Variants in CCDC181 observed in about 807,000 individuals in gnomAD.
CCDC181 encodes coiled-coil domain-containing protein 181.
CCDC181 carries 35 observed loss-of-function variants against 58.7 expected under a neutral mutation model. That is an observed-to-expected ratio of 0.60 (90% CI 0.46 to 0.79). The LOEUF is 0.79. Ranked by LOEUF, CCDC181 falls within the 30% of genes least tolerant of loss-of-function variation. The pLI is 0.00. For missense variants in CCDC181, 517 were observed against 583.9 expected (o/e 0.89, Z 1.18); for synonymous variants, 183 against 197.5 (o/e 0.93, Z 0.62).
At chr1:169,425,851 T>TA (rs1656688343) in intron 1 of CCDC181, among the ~76,000 whole-genome samples, 1 of 152,162 alleles carries the variant, frequency 6.6e-6, no homozygotes, top group African/African-American at 2.4e-5. Context: ...TGCTTTCCCT[T>TA]ATTTTATGAT....
rs1266329001 is a variant in CCDC181, at chr1:169,397,383, G to A, written c.1224C>T (p.Asn408=). 2 of 1,597,748 alleles carry A rather than the reference G, an allele frequency of 1.3e-6. No homozygotes were observed. The highest frequency in any genetic ancestry group is 2.3e-5 in the East Asian group (1 of 44,194). ...ATCGAAAAGCTTGTTGTGGATCTCT[G>A]TTTTCCTGCTGATTAGAAAAACAAG... ...EIEDMNSRQE[N]RDPQQAFRLW... Residue 408 remains asparagine (N), a synonymous_variant, in exon 5 of 6, where the codon AAC becomes AAT. Coordinates refer to ENST00000367806, the MANE Select transcript of CCDC181 (RefSeq NM_001300969.2).
chr1:169,452,008 A>T (rs1031682736), intron 2 of CCDC181, among the ~76,000 whole-genome samples: 2 of 152,114 alleles, frequency 1.3e-5, no homozygotes, highest in Non-Finnish European at 2.9e-5. Context: ...TTCAGATAAT[A>T]AAGCACTAGA....
intron 1 of CCDC181, chr1:169,459,915 A>AAAAAAC (rs1657796976): frequency 6.7e-6 from 1 of 150,352 alleles, no homozygotes; most frequent in African/African-American, 2.4e-5. Flanking sequence ...GAAAAAAAAA[A>AAAAAAC]AAAAAAAAAA....
intron 2 of CCDC181, among the ~76,000 whole-genome samples, chr1:169,454,776 A>G (rs922122887): frequency 6.6e-6 from 1 of 152,028 alleles, no homozygotes. Flanking sequence ...TACCTATTCC[A>G]TCTCCCTGTC....
intron 2 of CCDC181, among the ~76,000 whole-genome samples, chr1:169,451,901 G>A (rs1657552993): frequency 6.6e-6 from 1 of 152,074 alleles, no homozygotes; most frequent in Non-Finnish European, 1.5e-5. Flanking sequence ...ACCAGCGTGG[G>A]TGACCAGAAC....
intron 2 of CCDC181, among the ~76,000 whole-genome samples, chr1:169,448,642 A>G (rs1483556778): frequency 6.6e-6 from 1 of 151,756 alleles, no homozygotes; most frequent in African/African-American, 2.4e-5. Flanking sequence ...CCTGGTGTAG[A>G]TTTTTCGTAA....
chr1:169,395,058 G>A lies in CCDC181; in HGVS notation c.1519C>T (p.His507Tyr), dbSNP rs1654934282. 1.9e-6 allele frequency: 3 copies of A among 1,592,162 alleles called. No individual in the cohort carries two copies. The highest frequency in any genetic ancestry group is 2.6e-6 in the Non-Finnish European group (3 of 1,172,720). The stretch of plus-strand genomic sequence containing the variant: ...TTTAATAGAAACTTTCAGTTATAAT[G>A]ATCAGTAAAACGAAAAGGTTTGGCT... ...SEAKPFRFTD[H>Y]YN The change falls in exon 6 of 6, where the codon CAT becomes TAT. Residue 507 changes from histidine (H) to tyrosine (Y), a missense_variant. His to Tyr is a moderately conservative substitution (Grantham distance 83). Coordinates refer to ENST00000367806, the MANE Select transcript of CCDC181 (RefSeq NM_001300969.2).
chr1:169,402,210 G>A (rs986542113), intron 4 of CCDC181, among the ~76,000 whole-genome samples: 2 of 152,152 alleles, frequency 1.3e-5, no homozygotes, highest in Admixed American at 1.3e-4. Flanking sequence ...GGGGAGAACG[G>A]AACCAAGTTA....
chr1:169,451,404 T>C (rs1657530441), intron 2 of CCDC181: 1 of 152,136 alleles, frequency 6.6e-6, no homozygotes. Context: ...AGTAGCACAA[T>C]TTGTAAATGG....
At chr1:169,407,392 GA>G (rs949795498) in intron 4 of CCDC181, among the ~76,000 whole-genome samples, 10 of 149,878 alleles carry the variant, frequency 6.7e-5, no homozygotes, top group Non-Finnish European at 1.2e-4. Context: ...CAAGTAAAAG[GA>G]AAAAAAAATT....
At chr1:169,430,989 A>G (rs1285162339), upstream of CCDC181, among the ~76,000 whole-genome samples, 1 of 152,218 alleles carries the variant, frequency 6.6e-6, no homozygotes, top group Non-Finnish European at 1.5e-5. Flanking sequence ...TTTGCAACCA[A>G]TCAGGGGTAC....
At chr1:169,421,340 A>G (rs534418024) in intron 3 of CCDC181, 23 bp downstream of exon 3, 10 of 1,531,238 alleles carry the variant, frequency 6.5e-6, no homozygotes, top group South Asian at 1.2e-5. Flanking sequence ...TACTTTTAAT[A>G]TAATGCCCAC....
At chr1:169,427,631 G>A (rs368211255), upstream of CCDC181, among the ~76,000 whole-genome samples, 4 of 152,226 alleles carry the variant, frequency 2.6e-5, no homozygotes, top group Non-Finnish European at 4.4e-5. Flanking sequence ...GCGAAGTGCC[G>A]CTGTGTTGGT....
intron 4 of CCDC181, chr1:169,418,667 C>A: frequency 1.5e-5 from 4 of 267,958 alleles, no homozygotes; most frequent in East Asian, 6.9e-5. Context: ...CATAATATTT[C>A]TATACGTCTA....
intron 2 of CCDC181, among the ~76,000 whole-genome samples, chr1:169,423,158 A>G (rs894393420): frequency 1.3e-5 from 2 of 151,240 alleles, no homozygotes; most frequent in Non-Finnish European, 1.5e-5. Flanking sequence ...CAACCCCTTA[A>G]AATCACTTTC....
intron 2 of CCDC181, among the ~76,000 whole-genome samples, chr1:169,423,749 T>G (rs1656597029): frequency 6.6e-6 from 1 of 151,996 alleles, no homozygotes; most frequent in Admixed American, 6.6e-5. Context: ...CTTCCAGTCT[T>G]GAGAAATTGG....
intron 2 of CCDC181, 24 bp from the exon 3 acceptor site, chr1:169,422,337 C>G: frequency 1.4e-6 from 2 of 1,471,742 alleles, no homozygotes; most frequent in Non-Finnish European, 1.8e-6. Context: ...ATTTTTCAGT[C>G]AAAATTGAGA....
intron 4 of CCDC181, among the ~76,000 whole-genome samples, chr1:169,397,721 T>G (rs187480629): frequency 6.8e-4 from 103 of 152,088 alleles, no homozygotes; most frequent in Middle Eastern, 3.4e-3. Context: ...CTAGTAGGAG[T>G]GGCTTATTTC....
intron 4 of CCDC181, among the ~76,000 whole-genome samples, chr1:169,406,062 G>T (rs1655639010): frequency 6.6e-6 from 1 of 152,148 alleles, no homozygotes; most frequent in Non-Finnish European, 1.5e-5. Flanking sequence ...ATCATCACTG[G>T]CCATCAGAGA....
Sources: allele counts gnomAD v4.1 joint callset (sites outside exome capture counted in the v4.1 genomes callset), GRCh38; gene constraint gnomAD v4.1.1; transcripts MANE v1.5; gene names NCBI Gene and HGNC (gene_info 2026-07-23, HGNC 2026-07-21).